PIK3CB: variants seen among roughly 807,000 people sequenced by gnomAD.
The protein encoded by PIK3CB is phosphatidylinositol-4,5-bisphosphate 3-kinase catalytic subunit beta.
PIK3CB carries 39 observed loss-of-function variants against 136.8 expected under a neutral mutation model. That is an observed-to-expected ratio of 0.29 (90% CI 0.22 to 0.37). The LOEUF is 0.37. Ranked by LOEUF, PIK3CB falls within the 10% of genes least tolerant of loss-of-function variation. PIK3CB has a pLI of 1.00. For synonymous variants in PIK3CB, 428 were observed against 436.6 expected (o/e 0.98, Z 0.25); for missense variants, 868 against 1,275.4 (o/e 0.68, Z 4.87).
At chr3:138,775,975 A>G (rs545831451) in intron 2 of PIK3CB, among the ~76,000 whole-genome samples, 4 of 152,306 alleles carry the variant, frequency 2.6e-5, no homozygotes, top group South Asian at 2.1e-4. Flanking sequence ...AGGTGGGTGG[A>G]TCACCTGAGG....
chr3:138,793,228 T>C (rs1425593437), intron 2 of PIK3CB, among the ~76,000 whole-genome samples: 1 of 152,218 alleles, frequency 6.6e-6, no homozygotes, highest in Non-Finnish European at 1.5e-5. Flanking sequence ...CAGTTGATAG[T>C]GACTGGTTAT....
chr3:138,730,411 G>C (rs559088165), intron 8 of PIK3CB, among the ~76,000 whole-genome samples: 31 of 152,284 alleles, frequency 2.0e-4, no homozygotes, highest in Admixed American at 7.2e-4. Flanking sequence ...GTAAAGGGCT[G>C]CAGAGAAATA....
At chr3:138,794,775 T>C (rs1482832185) in intron 2 of PIK3CB, among the ~76,000 whole-genome samples, 3 of 152,162 alleles carry the variant, frequency 2.0e-5, no homozygotes, top group Admixed American at 1.3e-4. Flanking sequence ...CTGGGGGGAA[T>C]TGTTTCCAGA....
chr3:138,743,820 C>G (rs1180823725), intron 4 of PIK3CB, among the ~76,000 whole-genome samples: 1 of 152,190 alleles, frequency 6.6e-6, no homozygotes, highest in Non-Finnish European at 1.5e-5. Context: ...CTCAGTCTGA[C>G]AAAGTGCTGG....
intron 5 of PIK3CB, among the ~76,000 whole-genome samples, chr3:138,742,051 CAAAG>C (rs1328027695): frequency 1.3e-5 from 2 of 151,964 alleles, no homozygotes; most frequent in African/African-American, 2.4e-5. Context: ...AATATGGAAA[CAAAG>C]AGACCATTTT....
intron 2 of PIK3CB, among the ~76,000 whole-genome samples, chr3:138,776,655 T>C (rs1419467604): frequency 1.3e-5 from 2 of 151,816 alleles, no homozygotes; most frequent in African/African-American, 2.4e-5. Flanking sequence ...GTGATTGTGG[T>C]ACTGCATTCC....
chr3:138,808,907 T>C (rs1034424206), intron 1 of PIK3CB, among the ~76,000 whole-genome samples: 1 of 152,066 alleles, frequency 6.6e-6, no homozygotes, highest in African/African-American at 2.4e-5. Context: ...ATCTAGTTGA[T>C]CTTCAGTTTG....
At chr3:138,786,616 G>A (rs1329037102) in intron 2 of PIK3CB, among the ~76,000 whole-genome samples, 1 of 152,008 alleles carries the variant, frequency 6.6e-6, no homozygotes, top group African/African-American at 2.4e-5. Context: ...AAAGTGCTGG[G>A]ATTACAGGCA....
chr3:138,825,478 A>T, intron 1 of PIK3CB: 2 of 704,286 alleles, frequency 2.8e-6, no homozygotes, highest in Non-Finnish European at 5.1e-6. Flanking sequence ...CACTTACATT[A>T]AGAAAATTGG....
At position 138,744,518 on chromosome 3, in the gene PIK3CB, T is replaced by C. The variant is rs74816804; in HGVS notation, c.398-1737A>G. Among the ~76,000 whole-genome samples the C allele has an allele frequency of 4.2e-3, 603 of 142,524 alleles. 2 individuals are homozygous for C. The highest frequency in any genetic ancestry group is 0.014 in the African/African-American group (547 of 37,896). The allele number at this position is 142,524 out of a possible 152,430, so 93.5% of individuals were successfully genotyped here. A position where few individuals can be genotyped will look rare whatever the true frequency, so the allele number is the denominator to read the frequency against. On this transcript the variant is annotated intron_variant, in intron 4 of 23. Coordinates refer to ENST00000674063, the MANE Select transcript of PIK3CB (RefSeq NM_006219.3). ...GAGGTTAGTCTTGCTGTCTCAGGGG[T>C]GGCAGACACAGAAGAGTGAAGGAGG...
At chr3:138,671,030 T>C (rs1473063193) in intron 19 of PIK3CB, among the ~76,000 whole-genome samples, 1 of 152,180 alleles carries the variant, frequency 6.6e-6, no homozygotes, top group Admixed American at 6.5e-5. Flanking sequence ...ACTAGACATG[T>C]CTTACCACAT....
chr3:138,827,852 G>A (rs1933852372), intron 1 of PIK3CB, among the ~76,000 whole-genome samples: 1 of 151,676 alleles, frequency 6.6e-6, no homozygotes, highest in African/African-American at 2.4e-5. Flanking sequence ...AGCCGGGCGT[G>A]GTGGGGGCGC....
intron 2 of PIK3CB, among the ~76,000 whole-genome samples, chr3:138,792,511 C>T (rs932456357): frequency 5.9e-5 from 9 of 152,128 alleles, no homozygotes; most frequent in Non-Finnish European, 1.3e-4. Flanking sequence ...GTAGGCGGAA[C>T]TGCAGGCATT....
intron 8 of PIK3CB, among the ~76,000 whole-genome samples, chr3:138,724,473 G>A (rs757000592): frequency 6.6e-6 from 1 of 152,046 alleles, no homozygotes; most frequent in Non-Finnish European, 1.5e-5. Context: ...CATTAAGTAG[G>A]TATGGTTATT....
intron 1 of PIK3CB, among the ~76,000 whole-genome samples, chr3:138,831,399 C>T (rs1179173115): frequency 6.8e-6 from 1 of 146,504 alleles, no homozygotes; most frequent in Non-Finnish European, 1.5e-5. Context: ...TCAAGACCAG[C>T]CTGGCCAACA....
At chr3:138,698,854 TCCAACCAAGTA>T (rs1365367282) in intron 13 of PIK3CB, 42 bp downstream of exon 13, 209 of 1,074,844 alleles carry the variant, frequency 1.9e-4, no homozygotes, top group Non-Finnish European at 2.7e-4. Context: ...TTTATGTGAA[TCCAACCAAGTA>T]CCATACACCC....
chr3:138,674,994 G>A (rs576908969), intron 19 of PIK3CB, among the ~76,000 whole-genome samples: 1 of 152,200 alleles, frequency 6.6e-6, no homozygotes, highest in East Asian at 1.9e-4. Flanking sequence ...GGAGGTGGAG[G>A]TGTCAGTGAG....
rs902215836 is a variant in PIK3CB, at chr3:138,684,710, T to C, written c.2230A>G (p.Thr744Ala). 14 of 1,613,606 alleles carry C rather than the reference T, an allele frequency of 8.7e-6. No individual in the cohort carries two copies. The highest frequency in any genetic ancestry group is 3.3e-4 in the Middle Eastern group (2 of 6,084). The change falls in exon 17 of 24, where the codon ACC (threonine) becomes GCC (alanine). Residue 744 changes from threonine to alanine, a missense_variant. Thr to Ala is a moderately conservative substitution (Grantham distance 58, BLOSUM62 0). Around this residue, in one of 4 missense-constraint regions of PIK3CB, gnomAD observed 165 missense variants for 295.4 expected, o/e 0.56. Coordinates refer to ENST00000674063, the MANE Select transcript of PIK3CB (RefSeq NM_006219.3). ...NRAKGKEAMH[T>A]CLKQSAYREA... The stretch of plus-strand genomic sequence containing the variant: ...CGGTAAGCACTCTGTTTTAAACAGG[T>C]ATGCATGGCCTCCTTCCCTTTGGCT...
intron 10 of PIK3CB, among the ~76,000 whole-genome samples, chr3:138,711,602 A>T (rs1009025741): frequency 7.5e-6 from 1 of 133,470 alleles, no homozygotes; most frequent in African/African-American, 2.8e-5. Context: ...AAAAAAAAAA[A>T]GAAGTTTAGT....
Sources: allele counts gnomAD v4.1 joint callset (sites outside exome capture counted in the v4.1 genomes callset), GRCh38; gene constraint gnomAD v4.1.1; regional missense constraint gnomAD v4.1.1; transcripts MANE v1.5; gene names NCBI Gene and HGNC (gene_info 2026-07-23, HGNC 2026-07-21).